Variants in LMTK2 observed in about 807,000 individuals in gnomAD.
LMTK2 encodes serine/threonine-protein kinase LMTK2.
In LMTK2, 37 loss-of-function variants were observed where a neutral mutation model predicts 127.5. The ratio of observed to expected loss-of-function variants is 0.29; its 90% CI spans 0.22 to 0.38. The LOEUF (loss-of-function observed/expected upper bound fraction) is 0.38, where lower values mean the gene tolerates loss of function less well. LMTK2 is among the 10% of genes least tolerant of loss of function. The pLI, the probability that LMTK2 is intolerant of heterozygous loss-of-function variation, is 1.00. For synonymous variants in LMTK2, 819 were observed against 810.1 expected (o/e 1.01, Z -0.19); for missense variants, 1,694 against 1,920.3 (o/e 0.88, Z 2.20).
intron 2 of LMTK2, 109 bp from the exon 3 acceptor site, chr7:98,141,288 C>T: frequency 9.5e-7 from 1 of 1,057,444 alleles, no homozygotes. Context: ...ACATTAAGTA[C>T]AAACTGGAAA....
rs536260916 is a variant in LMTK2, at chr7:98,132,183, C to G, written c.104-5132C>G. The stretch of plus-strand genomic sequence containing the variant: ...CCTGTGGGTGCTTTAAATCCATTAG[C>G]TCATGATGATACCACAAAACAGTGA... On this transcript the variant is annotated intron_variant, in intron 1 of 13. Coordinates refer to ENST00000297293, the MANE Select transcript of LMTK2 (RefSeq NM_014916.4). Among the ~76,000 whole-genome samples the G allele has an allele frequency of 2.6e-5, 4 of 152,244 alleles. No homozygotes were observed. In the South Asian group the frequency reaches 8.3e-4, roughly 32 times the overall value.
At chr7:98,112,459 T>G (rs185412903) in intron 1 of LMTK2, among the ~76,000 whole-genome samples, 1 of 152,380 alleles carries the variant, frequency 6.6e-6, no homozygotes, top group African/African-American at 2.4e-5. Context: ...TCCCTGTGGA[T>G]GCTTAAATGT....
At chr7:98,110,252 T>C (rs557328329) in intron 1 of LMTK2, among the ~76,000 whole-genome samples, 1 of 152,336 alleles carries the variant, frequency 6.6e-6, no homozygotes, top group South Asian at 2.1e-4. Flanking sequence ...CTGAAAAAGA[T>C]ATTTTCTTAT....
chr7:98,194,025 T>A lies in LMTK2; in HGVS notation c.3560T>A (p.Val1187Asp). The change falls in exon 11 of 14, where the codon GTT becomes GAT. Residue 1187 changes from valine to aspartate, a missense_variant. Physicochemically the swap from Val to Asp is radical, Grantham distance 152. Around this residue, in one of 8 missense-constraint regions of LMTK2, gnomAD observed 554 missense variants for 567.7 expected, o/e 0.98. Transcript: ENST00000297293. This position sits in a 1 kb window ranked among gnomAD's most constrained non-coding sequence, Gnocchi z 5.4. The part of the protein sequence containing the change: ...RATPEPAQTG[V>D]PQQVHPTEDE... ...ACGCCGGAGCCAGCACAGACTGGTG[T>A]TCCCCAGCAGGTGCATCCCACGGAA... The A allele has an allele frequency of 1.2e-6, 2 of 1,614,076 alleles. No homozygotes were observed. Among genetic ancestry groups the A allele is most frequent in the Non-Finnish European group, 1.7e-6 (2 of 1,180,016 alleles).
intron 8 of LMTK2, 146 bp from the exon 9 acceptor site, chr7:98,186,731 A>G: frequency 4.5e-6 from 3 of 667,680 alleles, no homozygotes; most frequent in South Asian, 4.1e-5. Flanking sequence ...CTTTCTGCCC[A>G]GAAAGTCACT....
chr7:98,120,453 G>A (rs981208731), intron 1 of LMTK2, among the ~76,000 whole-genome samples: 3 of 152,126 alleles, frequency 2.0e-5, no homozygotes, highest in Non-Finnish European at 1.5e-5. Flanking sequence ...CAATCATTTT[G>A]CACATTTAAA....
intron 9 of LMTK2, among the ~76,000 whole-genome samples, chr7:98,187,650 C>T (rs1353032689): frequency 1.3e-5 from 2 of 151,852 alleles, no homozygotes; most frequent in African/African-American, 2.4e-5. Flanking sequence ...GTCGCCCAGG[C>T]TGGAGTACAG....
At chr7:98,184,920 GTTAA>G (rs986770512) in intron 7 of LMTK2, 127 bp from the exon 8 acceptor site, 2 of 603,604 alleles carry the variant, frequency 3.3e-6, no homozygotes, top group Admixed American at 5.3e-5. Flanking sequence ...ATTTTGAGAG[GTTAA>G]TTCTTAAGCA....
intron 3 of LMTK2, 31 bp downstream of exon 3, chr7:98,141,572 C>T (rs764804160): frequency 6.2e-7 from 1 of 1,600,498 alleles, no homozygotes. Context: ...GCCACGTTTT[C>T]ATGAATTGTT....
chr7:98,133,975 A>G (rs762400722), intron 1 of LMTK2, among the ~76,000 whole-genome samples: 19 of 152,240 alleles, frequency 1.2e-4, no homozygotes, highest in Non-Finnish European at 2.4e-4. Flanking sequence ...TTGAGGAAGT[A>G]TAAACTACCC....
rs765727827 is a variant in LMTK2 at position 98,204,065 on chromosome 7, G to A, written c.4362G>A (p.Pro1454=). Reference sequence around the variant, plus strand: ...CCAAGTACTTTTCTCCGCCGCCACCGGCCCGGAGCACGGAGCAGAGCTGGC... The same window carrying A: ...CCAAGTACTTTTCTCCGCCGCCACCAGCCCGGAGCACGGAGCAGAGCTGGC... ...QTSKYFSPPP[P]ARSTEQSWPH... is the part of the protein sequence containing the mutation. Residue 1454 remains proline, a synonymous_variant, in exon 13 of 14, where the codon CCG becomes CCA. Transcript: ENST00000297293. 23 of 1,613,844 alleles carry A rather than the reference G, an allele frequency of 1.4e-5. No individual in the cohort carries two copies. Among genetic ancestry groups the A allele is most frequent in the East Asian group, 4.5e-5 (2 of 44,888 alleles).
intron 10 of LMTK2, 87 bp from the exon 11 acceptor site, chr7:98,191,526 TG>T: frequency 1.8e-6 from 2 of 1,088,714 alleles, no homozygotes; most frequent in Non-Finnish European, 1.3e-6. Flanking sequence ...CACTCCAGAC[TG>T]GGTGACAGAG....
chr7:98,180,546 CTG>C (rs1245027836), intron 7 of LMTK2, among the ~76,000 whole-genome samples: 1 of 147,150 alleles, frequency 6.8e-6, no homozygotes, highest in Non-Finnish European at 1.5e-5. Context: ...TGAAAATTAA[CTG>C]TTTCTTAAAA....
intron 11 of LMTK2, among the ~76,000 whole-genome samples, chr7:98,201,896 C>T (rs531762094): frequency 2.2e-4 from 34 of 152,324 alleles, no homozygotes; most frequent in African/African-American, 7.9e-4. Flanking sequence ...AGTTGTGAGC[C>T]ACCCCACCTG....
At chr7:98,172,596 A>G (rs1196717216) in intron 7 of LMTK2, among the ~76,000 whole-genome samples, 1 of 152,206 alleles carries the variant, frequency 6.6e-6, no homozygotes, top group Non-Finnish European at 1.5e-5. Flanking sequence ...TAAAAACAAC[A>G]CAATACGTTT....
rs1315673614 is a variant in LMTK2 at position 98,179,462 on chromosome 7, G to A, written c.792-5589G>A. ...GTGGTCGTTGGTGGTGCCCAGTGAC[G>A]GAGCCTCTGTTGGCAAAACCTGTAT... is the stretch of plus-strand genomic sequence containing the variant. On this transcript the variant is annotated intron_variant, in intron 7 of 13. Coordinates refer to ENST00000297293, the MANE Select transcript of LMTK2 (RefSeq NM_014916.4). Among the ~76,000 whole-genome samples the A allele has an allele frequency of 2.6e-5, 4 of 152,180 alleles. No homozygotes were observed. In the South Asian group the frequency reaches 6.2e-4, roughly 24 times the overall value.
intron 1 of LMTK2, among the ~76,000 whole-genome samples, chr7:98,131,040 C>G (rs796736634): frequency 7.9e-5 from 12 of 152,302 alleles, no homozygotes; most frequent in African/African-American, 2.9e-4. Context: ...AGCTTCCACC[C>G]AGCCTGAATT....
intron 1 of LMTK2, among the ~76,000 whole-genome samples, chr7:98,133,527 A>G (rs931882074): frequency 6.6e-6 from 1 of 151,744 alleles, no homozygotes; most frequent in East Asian, 1.9e-4. Flanking sequence ...TTTATAGCAC[A>G]GTGCTTTTGG....
At position 98,193,328 on chromosome 7, in the gene LMTK2, T is replaced by G. The variant is rs1361567378; in HGVS notation, c.2863T>G (p.Ser955Ala). Residue 955 changes from serine (S) to alanine (A), a missense_variant, in exon 11 of 14, where the codon TCT becomes GCT. By Grantham distance (99) the Ser-to-Ala change is moderately conservative. This residue lies in a region of LMTK2 where 527 missense variants were observed against 539.8 expected (regional missense o/e 0.98). Coordinates refer to ENST00000297293, the MANE Select transcript of LMTK2 (RefSeq NM_014916.4). The surrounding 1 kb of genome is among the most constrained non-coding windows in gnomAD (Gnocchi z 4.1). ...EAVETLNQLN[S>A]KDAAKEAGLV... ...TGTGGAGACTTTAAATCAGCTCAATTCTAAAGACGCAGCAAAAGAAGCAGG... is the reference window on the plus strand; with the variant it reads ...TGTGGAGACTTTAAATCAGCTCAATGCTAAAGACGCAGCAAAAGAAGCAGG... 5.6e-6 allele frequency: 9 copies of G among 1,614,124 alleles called. No individual in the cohort carries two copies. Among genetic ancestry groups the G allele is most frequent in the Non-Finnish European group, 7.6e-6 (9 of 1,180,028 alleles).
Sources: gnomAD v4.1 joint callset for allele counts (sites outside exome capture counted in the v4.1 genomes callset) on GRCh38, gnomAD v4.1.1 for gene constraint, gnomAD v4.1.1 regional missense constraint, Gnocchi (gnomAD v3.1) non-coding constraint, MANE v1.5 for transcripts, NCBI Gene and HGNC (gene_info 2026-07-23, HGNC 2026-07-21) for gene names.